The following NRXN3 variants were observed in gnomAD, a reference collection of about 807,000 sequenced individuals.
NRXN3 encodes neurexin III.
NRXN3 carries 32 observed loss-of-function variants against 137.6 expected under a neutral mutation model. That is an observed-to-expected ratio of 0.23 (90% confidence interval 0.18 to 0.31). The LOEUF (loss-of-function observed/expected upper bound fraction) is 0.31. Ranked by LOEUF, NRXN3 falls within the 10% of genes least tolerant of loss-of-function variation. NRXN3 has a pLI of 1.00. For missense variants in NRXN3, 1,574 were observed against 2,062.5 expected, an observed-to-expected ratio of 0.76 and a Z score of 4.59; for synonymous variants, 798 against 784.5, an observed-to-expected ratio of 1.02 and a Z score of -0.29.
chr14:78,294,079 A>G (rs1319120576), intron 3 of NRXN3, among the ~76,000 whole-genome samples: 1 of 152,190 alleles, frequency 6.6e-6, no homozygotes, highest in African/African-American at 2.4e-5. Context: ...CCCTCTTTAT[A>G]GTCCCTACTG....
At chr14:78,569,739 T>C (rs1010308082) in intron 4 of NRXN3, among the ~76,000 whole-genome samples, 3 of 151,982 alleles carry the variant, frequency 2.0e-5, no homozygotes, top group African/African-American at 7.2e-5. Flanking sequence ...TTTGTATTTT[T>C]AGTAGAGATG....
intron 15 of NRXN3, among the ~76,000 whole-genome samples, chr14:79,166,843 T>C (rs1301695370): frequency 6.6e-6 from 1 of 151,972 alleles, no homozygotes; most frequent in Non-Finnish European, 1.5e-5. Context: ...AATACACTAA[T>C]CTTAACATTC....
intron 2 of NRXN3, among the ~76,000 whole-genome samples, chr14:78,262,927 A>G (rs2071020042): frequency 6.6e-6 from 1 of 152,160 alleles, no homozygotes; most frequent in Admixed American, 6.5e-5. Context: ...ACGGAAGCAC[A>G]GAGACTTCCC....
intron 4 of NRXN3, chr14:78,526,851 T>C: frequency 2.1e-6 from 1 of 477,512 alleles, no homozygotes; most frequent in South Asian, 1.5e-5. Flanking sequence ...TGCTTCCTGA[T>C]ATCCAAGTCA....
intron 4 of NRXN3, among the ~76,000 whole-genome samples, chr14:78,325,049 G>A (rs370139192): frequency 6.6e-6 from 1 of 151,998 alleles, no homozygotes; most frequent in African/African-American, 2.4e-5. Flanking sequence ...GGCCGAGGCA[G>A]GTAGGAACAA....
At chr14:79,638,042 T>C (rs532605470) in intron 16 of NRXN3, among the ~76,000 whole-genome samples, 1 of 151,986 alleles carries the variant, frequency 6.6e-6, no homozygotes, top group Non-Finnish European at 1.5e-5. Context: ...ATAAAGTTCC[T>C]CCTATATTAT....
At chr14:78,445,433 C>CG (rs2094391296) in intron 4 of NRXN3, among the ~76,000 whole-genome samples, 1 of 152,068 alleles carries the variant, frequency 6.6e-6, no homozygotes. Flanking sequence ...TGAAAAGTGA[C>CG]GGGGAGGCAG....
At chr14:78,861,843 A>G (rs2099073218) in intron 10 of NRXN3, among the ~76,000 whole-genome samples, 1 of 152,194 alleles carries the variant, frequency 6.6e-6, no homozygotes, top group Admixed American at 6.6e-5. Flanking sequence ...CTTTCTAGTA[A>G]TTCAACTAGT....
intron 14 of NRXN3, among the ~76,000 whole-genome samples, chr14:78,977,075 C>T (rs534129637): frequency 6.6e-6 from 1 of 152,274 alleles, no homozygotes; most frequent in South Asian, 2.1e-4. Context: ...CTCCCTTATA[C>T]AGATGGGGAC....
At chr14:79,715,054 C>T (rs372524934) in intron 19 of NRXN3, among the ~76,000 whole-genome samples, 3 of 152,178 alleles carry the variant, frequency 2.0e-5, no homozygotes, top group Admixed American at 1.3e-4. Flanking sequence ...CCCAGGTTCA[C>T]GCCATTCTCC....
chr14:78,636,007 A>G (rs904078769), intron 4 of NRXN3, among the ~76,000 whole-genome samples: 1 of 152,118 alleles, frequency 6.6e-6, no homozygotes, highest in Non-Finnish European at 1.5e-5. Context: ...AGTGAAAGCA[A>G]CCCAAGGACC....
At chr14:79,763,822 C>T (rs2099047129) in intron 19 of NRXN3, among the ~76,000 whole-genome samples, 1 of 151,548 alleles carries the variant, frequency 6.6e-6, no homozygotes, top group Non-Finnish European at 1.5e-5. Flanking sequence ...GATACCATTA[C>T]ACTGGTGATT....
At chr14:78,704,377 A>G (rs1357307068) in intron 6 of NRXN3, among the ~76,000 whole-genome samples, 1 of 152,146 alleles carries the variant, frequency 6.6e-6, no homozygotes, top group Non-Finnish European at 1.5e-5. Flanking sequence ...AAGGAGCACC[A>G]TTTAGAGAGG....
chr14:79,097,935 G>A (rs1486255050), intron 15 of NRXN3, among the ~76,000 whole-genome samples: 1 of 152,142 alleles, frequency 6.6e-6, no homozygotes, highest in Non-Finnish European at 1.5e-5. Flanking sequence ...TAAGTGCTCA[G>A]CAGGTTGTTT....
At chr14:79,228,245 G>A (rs1568687067) in intron 15 of NRXN3, among the ~76,000 whole-genome samples, 3 of 152,080 alleles carry the variant, frequency 2.0e-5, no homozygotes, top group Non-Finnish European at 4.4e-5. Flanking sequence ...GCACTCTATT[G>A]TAGAAGTCTC....
chr14:79,506,245 C>T (rs1372009067), intron 16 of NRXN3, among the ~76,000 whole-genome samples: 2 of 152,154 alleles, frequency 1.3e-5, no homozygotes, highest in Admixed American at 6.5e-5. Flanking sequence ...GAAGCAGGAT[C>T]ACTGGAGCCT....
intron 6 of NRXN3, among the ~76,000 whole-genome samples, chr14:78,692,629 A>C (rs766005693): frequency 6.6e-6 from 1 of 152,234 alleles, no homozygotes. Flanking sequence ...TTTGGGAGTC[A>C]GATGGACTTG....
At chr14:79,309,713 G>A (rs2086856322) in intron 15 of NRXN3, among the ~76,000 whole-genome samples, 1 of 146,124 alleles carries the variant, frequency 6.8e-6, no homozygotes, top group African/African-American at 2.6e-5. Flanking sequence ...TGTGTTTTTT[G>A]GCTGCATAAA....
At chr14:79,744,523 G>A (rs1197863830) in intron 19 of NRXN3, among the ~76,000 whole-genome samples, 1 of 152,128 alleles carries the variant, frequency 6.6e-6, no homozygotes, top group Non-Finnish European at 1.5e-5. Context: ...TCAAAACCTA[G>A]TTATTATATT....
Sources: allele counts gnomAD v4.1 joint callset (sites outside exome capture counted in the v4.1 genomes callset), GRCh38; gene constraint gnomAD v4.1.1; transcripts MANE v1.5; gene names NCBI Gene and HGNC (gene_info 2026-07-23, HGNC 2026-07-21).